The following NLGN4Y variants were observed in gnomAD, a reference collection of about 807,000 sequenced individuals.
The protein encoded by NLGN4Y is neuroligin-4, Y-linked.
Under a neutral mutation model 8.4 loss-of-function variants are expected in NLGN4Y, and 4 were observed. The observed-to-expected ratio is 0.48, with a 90% CI of 0.23 to 1.09. The LOEUF (loss-of-function observed/expected upper bound fraction) is 1.09, where lower values mean the gene tolerates loss of function less well. Ranked by LOEUF, NLGN4Y falls within the 50% of genes least tolerant of loss-of-function variation. NLGN4Y has a pLI of 0.19. For missense variants in NLGN4Y, 90 were observed against 192.3 expected (o/e 0.47, Z 3.15); for synonymous variants, 35 against 75.6 (o/e 0.46, Z 2.78).
intron 1 of NLGN4Y, among the ~76,000 whole-genome samples, chrY:14,589,812 G>T: frequency 2.9e-5 from 1 of 34,499 alleles, no homozygotes; most frequent in Non-Finnish European, 7.3e-5. Flanking sequence ...TGGTCGATGG[G>T]ACTAGGCGCT....
intron 1 of NLGN4Y, among the ~76,000 whole-genome samples, chrY:14,571,979 C>G (rs2080273209): frequency 3.2e-5 from 1 of 31,580 alleles, no homozygotes; most frequent in Non-Finnish European, 7.7e-5. Context: ...GTACCAGTAC[C>G]ATGCTGTTTT....
chrY:14,805,814 T>C (rs2043054638), intron 4 of NLGN4Y, among the ~76,000 whole-genome samples: 4 of 34,283 alleles, frequency 1.2e-4, no homozygotes, highest in African/African-American at 4.5e-4. Flanking sequence ...GCCTGCTAAG[T>C]ATTTTATCTC....
At chrY:14,730,314 A>C (rs982633888) in intron 4 of NLGN4Y, among the ~76,000 whole-genome samples, 3 of 32,889 alleles carry the variant, frequency 9.1e-5, no homozygotes, top group Non-Finnish European at 2.2e-4. Context: ...AGGCTGAGGC[A>C]GGAGAATCAC....
intron 1 of NLGN4Y, among the ~76,000 whole-genome samples, chrY:14,600,021 A>G (rs2080420881): frequency 6.1e-5 from 2 of 32,530 alleles, no homozygotes. Flanking sequence ...AATGTATTGT[A>G]TATATAATAT....
intron 1 of NLGN4Y, among the ~76,000 whole-genome samples, chrY:14,579,850 A>G (rs2080310167): frequency 3.1e-5 from 1 of 32,644 alleles, no homozygotes; most frequent in Non-Finnish European, 7.5e-5. Context: ...TCAAGAAGAT[A>G]TTTGAAGGAG....
intron 1 of NLGN4Y, among the ~76,000 whole-genome samples, chrY:14,567,403 T>G (rs2080256113): frequency 3.2e-5 from 1 of 31,107 alleles, no homozygotes; most frequent in Non-Finnish European, 7.7e-5. Context: ...AAATTTTTTG[T>G]ATTTTTAGTA....
intron 4 of NLGN4Y, among the ~76,000 whole-genome samples, chrY:14,765,843 T>G (rs531187688): frequency 2.1e-4 from 7 of 33,784 alleles, no homozygotes; most frequent in African/African-American, 8.0e-4. Context: ...AAATCAGAAT[T>G]AGCTTTTTCT....
chrY:14,606,261 A>T, intron 1 of NLGN4Y, among the ~76,000 whole-genome samples: 1 of 33,534 alleles, frequency 3.0e-5, no homozygotes, highest in Non-Finnish European at 7.4e-5. Context: ...GTGAGATAGA[A>T]GCAGATGTCT....
intron 4 of NLGN4Y, among the ~76,000 whole-genome samples, chrY:14,731,035 A>G: frequency 4.4e-5 from 1 of 22,634 alleles, no homozygotes; most frequent in East Asian, 1.2e-3. Flanking sequence ...GTGTGTGTAT[A>G]GTTCTTGTTT....
intron 1 of NLGN4Y, among the ~76,000 whole-genome samples, chrY:14,575,768 G>A: frequency 3.0e-5 from 1 of 33,270 alleles, no homozygotes; most frequent in East Asian, 7.9e-4. Context: ...TGGGGTTTTG[G>A]TGTGGATGTC....
chrY:14,803,677 C>G, intron 4 of NLGN4Y, among the ~76,000 whole-genome samples: 2 of 32,603 alleles, frequency 6.1e-5, no homozygotes, highest in Non-Finnish European at 1.5e-4. Flanking sequence ...GCCTAGGGTG[C>G]AGTTAGAAAA....
chrY:14,688,668 C>T (rs1603502726), intron 2 of NLGN4Y, among the ~76,000 whole-genome samples: 1 of 31,033 alleles, frequency 3.2e-5, no homozygotes, highest in South Asian at 7.2e-4. Flanking sequence ...CATAGCAATG[C>T]AAATGTCATT....
intron 1 of NLGN4Y, among the ~76,000 whole-genome samples, chrY:14,603,146 G>T (rs2080434300): frequency 3.1e-5 from 1 of 32,591 alleles, no homozygotes; most frequent in Non-Finnish European, 7.5e-5. Flanking sequence ...GTGTGTGTGT[G>T]TGTGCGTGGT....
intron 2 of NLGN4Y, among the ~76,000 whole-genome samples, chrY:14,638,466 A>G (rs2080576447): frequency 2.9e-5 from 1 of 33,953 alleles, no homozygotes; most frequent in Admixed American, 2.7e-4. Flanking sequence ...GCAGTGAGCT[A>G]TAATTTGATT....
chrY:14,542,074 C>G (rs2080151073), intron 1 of NLGN4Y, among the ~76,000 whole-genome samples: 1 of 33,306 alleles, frequency 3.0e-5, no homozygotes, highest in Non-Finnish European at 7.4e-5. Flanking sequence ...CATGCAAAGA[C>G]ATACATAGGC....
At chrY:14,714,762 G>A (rs111610305) in intron 2 of NLGN4Y, among the ~76,000 whole-genome samples, 3,685 of 33,246 alleles carry the variant, frequency 0.11, no homozygotes, top group Non-Finnish European at 0.19. Context: ...GGCAACAAAA[G>A]CCAAAACAGA....
chrY:14,550,345 G>C, intron 1 of NLGN4Y, among the ~76,000 whole-genome samples: 1 of 33,896 alleles, frequency 3.0e-5, no homozygotes, highest in African/African-American at 1.2e-4. Flanking sequence ...TTTCCATTCT[G>C]TGTCTTTTAA....
intron 4 of NLGN4Y, among the ~76,000 whole-genome samples, chrY:14,733,038 G>T (rs1031303649): frequency 3.0e-5 from 1 of 33,057 alleles, no homozygotes; most frequent in Non-Finnish European, 7.4e-5. Flanking sequence ...AGCAGCTTCC[G>T]GTTTCTAAAA....
chrY:14,795,847 G>C, intron 4 of NLGN4Y, among the ~76,000 whole-genome samples: 1 of 32,695 alleles, frequency 3.1e-5, no homozygotes, highest in Admixed American at 2.8e-4. Context: ...GAGAAATGTA[G>C]TAATGTAAAA....
Sources: allele counts gnomAD v4.1 joint callset (sites outside exome capture counted in the v4.1 genomes callset), GRCh38; gene constraint gnomAD v4.1.1; transcripts MANE v1.5; gene names NCBI Gene and HGNC (gene_info 2026-07-23, HGNC 2026-07-21).